The following PRMT7 variants were observed in gnomAD, a reference collection of about 807,000 sequenced individuals.
PRMT7 encodes protein arginine N-methyltransferase 7.
PRMT7 carries 75 observed loss-of-function variants against 85.4 expected under a neutral mutation model. The observed-to-expected ratio is 0.88, with a 90% CI of 0.73 to 1.06. The LOEUF (loss-of-function observed/expected upper bound fraction) is 1.06. Ranked by LOEUF, PRMT7 falls within the 50% of genes least tolerant of loss-of-function variation. The pLI is 0.00. For synonymous variants in PRMT7, 397 were observed against 359.5 expected, an observed-to-expected ratio of 1.10 and a Z score of -1.18; for missense variants, 868 against 915.2, an observed-to-expected ratio of 0.95 and a Z score of 0.67.
At chr16:68,321,763 G>A (rs909285561) in intron 4 of PRMT7, 10 of 272,950 alleles carry the variant, frequency 3.7e-5, no homozygotes, top group Admixed American at 1.0e-4. Flanking sequence ...CAAATCTACC[G>A]CCTCATACTT....
Position 68,312,144 on chromosome 16 carries a change from G to A in PRMT7, c.-116G>A, listed in dbSNP as rs1406467393. ...GATCCTCACCTCGGCCTACCGAGTAGCTGGGACTACAGGCACGCGCCACTA... is the reference window on the plus strand; with the variant it reads ...GATCCTCACCTCGGCCTACCGAGTAACTGGGACTACAGGCACGCGCCACTA... On this transcript the variant is annotated 5_prime_UTR_variant, in exon 2 of 19. Coordinates refer to ENST00000441236, the MANE Select transcript of PRMT7 (RefSeq NM_019023.5). The A allele has an allele frequency of 6.6e-6, 1 of 150,980 alleles. No homozygotes were observed. The highest frequency in any genetic ancestry group is 1.5e-5 in the Non-Finnish European group (1 of 67,812). The allele number at this position is 150,980 out of a possible 1,614,324, so 9.4% of individuals were successfully genotyped here.
chr16:68,338,341 C>A (rs1346563212), intron 7 of PRMT7, among the ~76,000 whole-genome samples: 1 of 151,948 alleles, frequency 6.6e-6, no homozygotes, highest in African/African-American at 2.4e-5. Context: ...GATGGTGGTG[C>A]TTCCTGTTGA....
intron 1 of PRMT7, 99 bp downstream of exon 1, chr16:68,311,198 G>T (rs1170159244): frequency 7.0e-6 from 4 of 573,858 alleles, no homozygotes; most frequent in Non-Finnish European, 1.3e-5. Context: ...GAGGAGCCTA[G>T]CGTGGGCCTA....
At chr16:68,335,434 A>G (rs2084528682) in intron 6 of PRMT7, among the ~76,000 whole-genome samples, 1 of 151,862 alleles carries the variant, frequency 6.6e-6, no homozygotes, top group Non-Finnish European at 1.5e-5. Context: ...TGAGTTTTGG[A>G]CAGTGTATTC....
At position 68,329,152 on chromosome 16, in the gene PRMT7, C is replaced by G. The variant is rs2083502044; in HGVS notation, c.369C>G (p.Ser123=). ...SDKIKVINKH[S]TEVTVGPEGD... ...AGATTAAGGTTATCAACAAGCATTC[C>G]ACCGAGGTGACTGTAGGTCCAGGTG... Residue 123 remains serine (S), a synonymous_variant, in exon 6 of 19, where the codon TCC becomes TCG. Coordinates refer to ENST00000441236, the MANE Select transcript of PRMT7 (RefSeq NM_019023.5). The G allele has an allele frequency of 6.9e-6, 11 of 1,603,452 alleles. No homozygotes were observed. The highest frequency in any genetic ancestry group is 9.4e-6 in the Non-Finnish European group (11 of 1,170,474).
chr16:68,312,588 A>G (rs956765448), intron 2 of PRMT7, among the ~76,000 whole-genome samples: 5 of 152,136 alleles, frequency 3.3e-5, no homozygotes, highest in Admixed American at 6.5e-5. Flanking sequence ...TCTGACGGCT[A>G]ATACAATTAG....
At chr16:68,324,305 C>T (rs1260390322) in intron 4 of PRMT7, 5 of 203,634 alleles carry the variant, frequency 2.5e-5, no homozygotes, top group East Asian at 1.6e-4. Context: ...CTGCCCCTAC[C>T]GAGAGGACCC....
chr16:68,355,570 A>AG (rs2088250050), intron 16 of PRMT7, 153 bp from the exon 17 acceptor site: 1 of 714,414 alleles, frequency 1.4e-6, no homozygotes, highest in Non-Finnish European at 2.0e-6. Flanking sequence ...AGTGGCAGAG[A>AG]GGGGGCGCCG....
chr16:68,328,994 G>T, intron 5 of PRMT7, 72 bp from the exon 6 acceptor site: 2 of 1,011,756 alleles, frequency 2.0e-6, no homozygotes, highest in Non-Finnish European at 3.1e-6. Flanking sequence ...GGAATAGCTT[G>T]CTCACCTTAA....
intron 14 of PRMT7, among the ~76,000 whole-genome samples, chr16:68,351,183 G>A (rs1049354363): frequency 6.6e-6 from 1 of 152,174 alleles, no homozygotes; most frequent in Non-Finnish European, 1.5e-5. Context: ...GTGGGGAGGC[G>A]AGGAAGCACT....
chr16:68,311,635 T>G (rs543319445), intron 1 of PRMT7: 1 of 152,188 alleles, frequency 6.6e-6, no homozygotes, highest in Non-Finnish European at 1.5e-5. Flanking sequence ...TGATAGGAGA[T>G]GAGGAGCGGG....
At position 68,356,717 on chromosome 16, in the gene PRMT7, G is replaced by A. The variant is rs749012524; in HGVS notation, c.1828G>A (p.Ala610Thr). 6 of 1,611,876 alleles carry A rather than the reference G, an allele frequency of 3.7e-6. No homozygotes were observed. The highest frequency in any genetic ancestry group is 3.3e-5 in the South Asian group (3 of 90,828). The change falls in exon 18 of 19, where the codon GCA (alanine) becomes ACA (threonine). Residue 610 changes from alanine (A) to threonine (T), a missense_variant. By Grantham distance (58) the Ala-to-Thr change is moderately conservative. Transcript: ENST00000441236. ...CCTTGACAGGCCCGGGCAGAGCCACGCAGCGGTGCTATGGATGGAGTACCA... is the reference window on the plus strand; with the variant it reads ...CCTTGACAGGCCCGGGCAGAGCCACACAGCGGTGCTATGGATGGAGTACCA... Reference protein sequence around the residue: ...VELRRPGQSHAAVLWMEYHLT... With the variant: ...VELRRPGQSHTAVLWMEYHLT...
chr16:68,319,893 C>T (rs965921450), intron 3 of PRMT7, among the ~76,000 whole-genome samples: 1 of 152,140 alleles, frequency 6.6e-6, no homozygotes, highest in Non-Finnish European at 1.5e-5. Flanking sequence ...CTCATCCCGA[C>T]CCCGCCTGAG....
intron 18 of PRMT7, 90 bp from the exon 19 acceptor site, chr16:68,356,964 C>T: frequency 1.4e-6 from 2 of 1,458,442 alleles, no homozygotes. Context: ...CAGCTTCTCT[C>T]TGCTGCGAGC....
intron 5 of PRMT7, among the ~76,000 whole-genome samples, chr16:68,325,050 A>G (rs1260397363): frequency 6.6e-6 from 1 of 152,212 alleles, no homozygotes; most frequent in Non-Finnish European, 1.5e-5. Context: ...CATCAGAATC[A>G]CTAGGAGCTT....
At chr16:68,326,711 A>G (rs1176866010) in intron 5 of PRMT7, among the ~76,000 whole-genome samples, 1 of 152,226 alleles carries the variant, frequency 6.6e-6, no homozygotes, top group Non-Finnish European at 1.5e-5. Flanking sequence ...TGCAAAGGTC[A>G]GTTCCCCACG....
chr16:68,315,751 G>A (rs2044655595), intron 2 of PRMT7, 146 bp from the exon 3 acceptor site: 2 of 529,994 alleles, frequency 3.8e-6, no homozygotes, highest in Non-Finnish European at 6.8e-6. Context: ...ACTATCAGTG[G>A]CTTTGACATT....
intron 3 of PRMT7, among the ~76,000 whole-genome samples, chr16:68,320,979 A>G (rs2082420827): frequency 6.6e-6 from 1 of 152,092 alleles, no homozygotes; most frequent in Non-Finnish European, 1.5e-5. Context: ...AAAATAAACA[A>G]AAAAATAGGC....
chr16:68,313,512 A>G, intron 2 of PRMT7, among the ~76,000 whole-genome samples: 1 of 152,148 alleles, frequency 6.6e-6, no homozygotes, highest in East Asian at 1.9e-4. Context: ...TAATTGGATG[A>G]AATGCCTTCT....
Sources: allele counts gnomAD v4.1 joint callset (sites outside exome capture counted in the v4.1 genomes callset), GRCh38; gene constraint gnomAD v4.1.1; transcripts MANE v1.5; gene names NCBI Gene and HGNC (gene_info 2026-07-23, HGNC 2026-07-21).